Variants in PLD5 observed in about 807,000 individuals in gnomAD.
The protein encoded by PLD5 is phospholipase D family member 5.
Under a neutral mutation model 61.1 loss-of-function variants are expected in PLD5, and 36 were observed. That is an observed-to-expected ratio of 0.59 (90% CI 0.45 to 0.78). PLD5 has a LOEUF of 0.78. PLD5 is among the 30% of genes least tolerant of loss of function. The probability of loss-of-function intolerance (pLI) is 0.00; values close to 1 mark genes in which losing one functional copy is unlikely to be tolerated. For synonymous variants in PLD5, 243 were observed against 242.8 expected (o/e 1.00, Z -0.01); for missense variants, 515 against 644.4 (o/e 0.80, Z 2.17).
intron 7 of PLD5, among the ~76,000 whole-genome samples, chr1:242,108,051 G>A (rs1661203542): frequency 6.6e-6 from 1 of 152,066 alleles, no homozygotes; most frequent in South Asian, 2.1e-4. Context: ...CTGCCTAAAA[G>A]GAGGTTTCCT....
At chr1:242,208,804 T>A (rs977325082) in intron 5 of PLD5, among the ~76,000 whole-genome samples, 6 of 152,120 alleles carry the variant, frequency 3.9e-5, no homozygotes, top group Non-Finnish European at 8.8e-5. Context: ...TGGCCTGTTT[T>A]CATAGAAACC....
intron 3 of PLD5, among the ~76,000 whole-genome samples, chr1:242,267,304 A>G (rs2149106397): frequency 6.6e-6 from 1 of 152,304 alleles, no homozygotes; most frequent in Non-Finnish European, 1.5e-5. Context: ...CAGCAGGAGT[A>G]TCTGGCACAT....
intron 5 of PLD5, among the ~76,000 whole-genome samples, chr1:242,195,973 CTT>C (rs1168894277): frequency 1.3e-5 from 2 of 152,002 alleles, no homozygotes; most frequent in Non-Finnish European, 2.9e-5. Flanking sequence ...GAACATTTGT[CTT>C]ATGTAAGGGG....
At chr1:242,169,465 G>A (rs1322828279) in intron 5 of PLD5, among the ~76,000 whole-genome samples, 1 of 152,178 alleles carries the variant, frequency 6.6e-6, no homozygotes, top group Admixed American at 6.5e-5. Flanking sequence ...ATACCCTCCA[G>A]TGCCTACCCC....
intron 1 of PLD5, among the ~76,000 whole-genome samples, 160 bp downstream of exon 1, chr1:242,523,928 A>G (rs552102808): frequency 6.6e-6 from 1 of 152,232 alleles, no homozygotes; most frequent in Admixed American, 6.5e-5. Context: ...AAGGCAAGAA[A>G]CTGCAGGCAG....
chr1:242,249,947 T>A (rs1672607713), intron 4 of PLD5, among the ~76,000 whole-genome samples: 1 of 152,182 alleles, frequency 6.6e-6, no homozygotes, highest in South Asian at 2.1e-4. Context: ...GCTCGTACCA[T>A]CAATTACTAA....
intron 5 of PLD5, among the ~76,000 whole-genome samples, chr1:242,135,187 G>A (rs112733254): frequency 0.075 from 11,458 of 152,098 alleles, 489 homozygotes; most frequent in African/African-American, 0.12. Flanking sequence ...ATATGCATAC[G>A]TACATATACA....
upstream of PLD5, among the ~76,000 whole-genome samples, chr1:242,525,874 C>T (rs1434442975): frequency 1.3e-5 from 2 of 152,088 alleles, no homozygotes; most frequent in Admixed American, 6.6e-5. Context: ...AAATAAAATC[C>T]TGTGCACATT....
At chr1:242,245,798 T>C (rs404323) in intron 4 of PLD5, among the ~76,000 whole-genome samples, 108,366 of 152,024 alleles carry the variant, frequency 0.71, 39,969 homozygotes, top group Admixed American at 0.81. Context: ...AAGACTGTTC[T>C]GGTGTTAGTG....
chr1:242,497,869 T>A (rs1018730623), intron 1 of PLD5, among the ~76,000 whole-genome samples: 1 of 152,248 alleles, frequency 6.6e-6, no homozygotes, highest in Non-Finnish European at 1.5e-5. Context: ...GCTGCCCTCA[T>A]GGGGCTTTGC....
chr1:242,211,840 T>G (rs1215469931), intron 5 of PLD5, among the ~76,000 whole-genome samples: 1 of 152,230 alleles, frequency 6.6e-6, no homozygotes, highest in Non-Finnish European at 1.5e-5. Context: ...AGTTATCAGC[T>G]TAACAGAAAC....
At chr1:242,404,649 C>T (rs1370691470) in intron 1 of PLD5, among the ~76,000 whole-genome samples, 1 of 124,070 alleles carries the variant, frequency 8.1e-6, no homozygotes, top group East Asian at 2.5e-4. Context: ...TGTCCTAACC[C>T]TTGCCAGCCC....
intron 6 of PLD5, among the ~76,000 whole-genome samples, chr1:242,122,959 T>C (rs938331806): frequency 6.6e-6 from 1 of 152,198 alleles, no homozygotes; most frequent in African/African-American, 2.4e-5. Flanking sequence ...CAATATTAAA[T>C]TGGGAGCATT....
At position 242,470,839 on chromosome 1, in the gene PLD5, G is replaced by A. The variant is rs115030634; in HGVS notation, c.189+53249C>T. On this transcript the variant is annotated intron_variant, in intron 1 of 9. Transcript: ENST00000536534. Reference sequence around the variant, plus strand: ...GCCCCTGTCTTCTTTCTGTGTCCAGGAATCTCAGCTGTGCTCAGAAGCCCA... The same window carrying A: ...GCCCCTGTCTTCTTTCTGTGTCCAGAAATCTCAGCTGTGCTCAGAAGCCCA... 1.9e-3 allele frequency among the ~76,000 whole-genome samples: 293 copies of A among 152,258 alleles called. 2 individuals carry two copies. Among genetic ancestry groups the A allele is most frequent in the Non-Finnish European group, 3.5e-3 (235 of 68,014 alleles).
At chr1:242,460,378 C>G (rs546051234) in intron 1 of PLD5, among the ~76,000 whole-genome samples, 1 of 152,220 alleles carries the variant, frequency 6.6e-6, no homozygotes, top group East Asian at 1.9e-4. Context: ...CTCAACCTGC[C>G]GATCCACCTA....
chr1:242,420,867 AT>A (rs2149298578), intron 1 of PLD5, among the ~76,000 whole-genome samples: 1 of 152,232 alleles, frequency 6.6e-6, no homozygotes, highest in East Asian at 1.9e-4. Context: ...CAATTTATTC[AT>A]AGTTATTTTA....
intron 1 of PLD5, among the ~76,000 whole-genome samples, chr1:242,427,136 C>G (rs1432690926): frequency 1.3e-5 from 2 of 152,162 alleles, no homozygotes; most frequent in Non-Finnish European, 2.9e-5. Flanking sequence ...TATAAACTCA[C>G]TGATATTTTG....
At chr1:242,310,154 G>A (rs1331283077) in intron 2 of PLD5, among the ~76,000 whole-genome samples, 1 of 152,112 alleles carries the variant, frequency 6.6e-6, no homozygotes, top group Non-Finnish European at 1.5e-5. Flanking sequence ...AATTGTACAA[G>A]ATGCTGTCAA....
intron 1 of PLD5, among the ~76,000 whole-genome samples, chr1:242,454,336 A>G (rs919885069): frequency 7.8e-4 from 119 of 151,984 alleles, no homozygotes; most frequent in African/African-American, 2.7e-3. Flanking sequence ...CGTGTCAAAA[A>G]AAAAAAAAAG....
Sources: gnomAD v4.1 joint callset for allele counts (sites outside exome capture counted in the v4.1 genomes callset) on GRCh38, gnomAD v4.1.1 for gene constraint, MANE v1.5 for transcripts, NCBI Gene and HGNC (gene_info 2026-07-23, HGNC 2026-07-21) for gene names.